The following APOL3 variants were observed in gnomAD, a reference collection of about 807,000 sequenced individuals.
APOL3 encodes the protein apolipoprotein L3, also known as TNF-inducible protein CG12-1.
Under a neutral mutation model 11.6 loss-of-function variants are expected in APOL3, and 14 were observed. The observed-to-expected ratio is 1.21, with a 90% CI of 0.80 to 1.89. APOL3 has a LOEUF of 1.89. APOL3 is among the 40% of genes most tolerant of loss of function. The pLI, the probability that APOL3 is intolerant of heterozygous loss-of-function variation, is 0.00. For missense variants in APOL3, 483 were observed against 492.1 expected (o/e 0.98, Z 0.17); for synonymous variants, 192 against 190.6 (o/e 1.01, Z -0.06).
intron 1 of APOL3, among the ~76,000 whole-genome samples, chr22:36,146,914 G>A (rs1456028983): frequency 6.6e-6 from 1 of 152,146 alleles, no homozygotes; most frequent in East Asian, 1.9e-4. Context: ...GAAGCAGTAT[G>A]GATTTATGTA....
chr22:36,151,946 C>T (rs958272535), intron 1 of APOL3, among the ~76,000 whole-genome samples: 1 of 152,028 alleles, frequency 6.6e-6, no homozygotes, highest in Admixed American at 6.6e-5. Context: ...AAGAAAGTTA[C>T]TTGAGAATGA....
rs1279273414 is a variant in APOL3, at chr22:36,149,746, T to C, written c.224-4147A>G. 6.9e-6 allele frequency: 3 copies of C among 431,802 alleles called. No homozygotes were observed. In the East Asian group the frequency reaches 2.1e-4, roughly 31 times the overall value. 26.7% of individuals were successfully genotyped at this position (431,802 alleles called of 1,614,324 possible). A position where few individuals can be genotyped will look rare whatever the true frequency, so the allele number is the denominator to read the frequency against. On this transcript the variant is annotated intron_variant, in intron 1 of 2. Coordinates refer to ENST00000349314, the Ensembl canonical transcript of APOL3. ...TGACTGGGCTCCACTCCCTTAAATA[T>C]ATAAAAATATTGACTCATGCATACA...
At chr22:36,141,820 C>A in exon 3 of APOL3, 1 of 1,614,218 alleles carries the variant, frequency 6.2e-7, no homozygotes, top group Non-Finnish European at 8.5e-7. Flanking sequence ...ATGCCAGAGG[C>A]AGCGCCAGTG....
upstream of APOL3, among the ~76,000 whole-genome samples, chr22:36,162,018 G>A (rs957934086): frequency 2.0e-5 from 3 of 151,322 alleles, no homozygotes; most frequent in South Asian, 6.2e-4. Flanking sequence ...CTGGCGGCGG[G>A]TGCAGTGTGA....
chr22:36,154,988 C>T (rs1273772843), intron 1 of APOL3, among the ~76,000 whole-genome samples: 1 of 152,190 alleles, frequency 6.6e-6, no homozygotes, highest in East Asian at 1.9e-4. Context: ...CTAACAGGTT[C>T]CTTCTCGCAC....
intron 1 of APOL3, among the ~76,000 whole-genome samples, chr22:36,160,396 C>T (rs1381256437): frequency 6.6e-6 from 1 of 152,188 alleles, no homozygotes; most frequent in South Asian, 2.1e-4. Context: ...CCATGTCTCA[C>T]GCAGGCTGGA....
upstream of APOL3, chr22:36,164,464 T>A (rs1360064458): frequency 2.0e-5 from 3 of 152,248 alleles, no homozygotes; most frequent in African/African-American, 4.8e-5. Context: ...TCTTCTATCT[T>A]CATTGAGGAT....
chr22:36,157,980 G>T (rs185317309), intron 1 of APOL3, among the ~76,000 whole-genome samples: 1 of 152,152 alleles, frequency 6.6e-6, no homozygotes, highest in African/African-American at 2.4e-5. Context: ...AACCCCGGAG[G>T]TGGAGGTTGC....
chr22:36,154,836 C>A (rs1344099940), intron 1 of APOL3, among the ~76,000 whole-genome samples: 1 of 152,216 alleles, frequency 6.6e-6, no homozygotes, highest in East Asian at 1.9e-4. Flanking sequence ...ACTCTAACCT[C>A]TTCCTGGTCT....
chr22:36,148,814 G>T (rs76727128), intron 1 of APOL3, among the ~76,000 whole-genome samples: 3,674 of 152,278 alleles, frequency 0.024, 139 homozygotes, highest in African/African-American at 0.083. Flanking sequence ...TGCCAGGGCA[G>T]GGAGGAAGTG....
At chr22:36,160,837 T>A in exon 1 of APOL3, 1 of 1,611,742 alleles carries the variant, frequency 6.2e-7, no homozygotes. Context: ...CAGCAGCTCC[T>A]GATCAAACAT....
chr22:36,142,837 A>G (rs1467197065), intron 2 of APOL3, among the ~76,000 whole-genome samples: 3 of 152,130 alleles, frequency 2.0e-5, no homozygotes, highest in African/African-American at 4.8e-5. Context: ...CTGACCTTCC[A>G]TGCCCATCCC....
chr22:36,147,939 A>C (rs2060279310), intron 1 of APOL3, among the ~76,000 whole-genome samples: 1 of 152,190 alleles, frequency 6.6e-6, no homozygotes, highest in Non-Finnish European at 1.5e-5. Flanking sequence ...AACAAAACTT[A>C]ACTTCGGCCA....
intron 1 of APOL3, chr22:36,149,063 G>A (rs773498924): frequency 7.3e-6 from 10 of 1,368,358 alleles, no homozygotes; most frequent in Non-Finnish European, 9.8e-6. Flanking sequence ...CATGGTGCCA[G>A]CAGCCAGGTC....
chr22:36,152,423 T>G lies in APOL3; in HGVS notation c.224-6824A>C, dbSNP rs563554785. ...TAGAACAAAACAGAACATTTACATA[T>G]GAGAACTAAATCTACTTGTTACCAG... is the stretch of plus-strand genomic sequence containing the variant. On this transcript the variant is annotated intron_variant, in intron 1 of 2. Coordinates refer to ENST00000349314, the Ensembl canonical transcript of APOL3. Among the ~76,000 whole-genome samples, 34 of 152,296 alleles carry G rather than the reference T, an allele frequency of 2.2e-4. No homozygotes were observed. The South Asian group carries it at 7.0e-3, about 32-fold the overall frequency.
chr22:36,141,290 C>T (rs375243978), exon 3 of APOL3: 36 of 1,614,200 alleles, frequency 2.2e-5, no homozygotes, highest in Non-Finnish European at 3.0e-5. Flanking sequence ...GCCTCAGCTC[C>T]TCAGCAGATG....
chr22:36,142,599 T>G (rs73419687), intron 2 of APOL3, among the ~76,000 whole-genome samples: 3,681 of 152,218 alleles, frequency 0.024, 139 homozygotes, highest in African/African-American at 0.082. Context: ...ATAGCAATGT[T>G]ATGGGTGATG....
chr22:36,148,930 T>C (rs891381736), intron 1 of APOL3, 116 bp downstream of exon 2: 6 of 1,027,702 alleles, frequency 5.8e-6, no homozygotes, highest in Non-Finnish European at 7.0e-6. Context: ...CAGGGAAGAC[T>C]CATCGGCCTG....
chr22:36,147,076 C>G (rs1005797566), intron 1 of APOL3, among the ~76,000 whole-genome samples: 3 of 152,188 alleles, frequency 2.0e-5, no homozygotes. Context: ...TCAAGGCCAG[C>G]GTTCCCTTGC....
Sources: allele counts gnomAD v4.1 joint callset (sites outside exome capture counted in the v4.1 genomes callset), GRCh38; gene constraint gnomAD v4.1.1; transcripts MANE v1.5; gene names NCBI Gene and HGNC (gene_info 2026-07-23, HGNC 2026-07-21).